NFASC: variants seen among roughly 807,000 people sequenced by gnomAD.
The protein encoded by NFASC is neurofascin homolog.
In NFASC, 43 loss-of-function variants were observed where a neutral mutation model predicts 147.5. The observed-to-expected ratio is 0.29, with a 90% confidence interval of 0.23 to 0.38. The LOEUF (loss-of-function observed/expected upper bound fraction) is 0.38. NFASC is among the 10% of genes least tolerant of loss of function. NFASC has a pLI of 1.00. For missense variants in NFASC, 1,320 were observed against 1,689.0 expected (o/e 0.78, Z 3.83); for synonymous variants, 622 against 665.5 (o/e 0.93, Z 1.01).
At chr1:204,927,099 T>G (rs1573158295) in intron 2 of NFASC, among the ~76,000 whole-genome samples, 1 of 151,958 alleles carries the variant, frequency 6.6e-6, no homozygotes, top group Non-Finnish European at 1.5e-5. Flanking sequence ...GATAGATAGA[T>G]AGATGGATGG....
At chr1:204,917,493 TC>T (rs1232614812) in intron 1 of NFASC, among the ~76,000 whole-genome samples, 1 of 152,196 alleles carries the variant, frequency 6.6e-6, no homozygotes, top group African/African-American at 2.4e-5. Flanking sequence ...CTTCCCCCTT[TC>T]TTTTGTTAAA....
intron 2 of NFASC, among the ~76,000 whole-genome samples, chr1:204,939,082 G>GTGTGTA (rs2093146479): frequency 6.6e-6 from 1 of 151,612 alleles, no homozygotes; most frequent in Admixed American, 6.6e-5. Context: ...GTGTGTGTGT[G>GTGTGTA]TGTGTAGGGG....
chr1:204,834,970 A>AT (rs1455119260), intron 1 of NFASC, among the ~76,000 whole-genome samples: 1 of 152,078 alleles, frequency 6.6e-6, no homozygotes, highest in Non-Finnish European at 1.5e-5. Context: ...AGAAGGTCTA[A>AT]TTATTCTCAT....
At chr1:204,920,528 G>A (rs919035492) in intron 1 of NFASC, 104 bp from the exon 2 acceptor site, 1 of 432,514 alleles carries the variant, frequency 2.3e-6, no homozygotes, top group African/African-American at 2.2e-5. Flanking sequence ...GGACAAAAAT[G>A]TAATTTCCCC....
At position 204,844,444 on chromosome 1, in the gene NFASC, A is replaced by G. The variant is rs144232508; in HGVS notation, c.-200+15662A>G. Among the ~76,000 whole-genome samples, 734 of 152,328 alleles carry G rather than the reference A, an allele frequency of 4.8e-3. 2 individuals are homozygous for G. The highest frequency in any genetic ancestry group is 0.01 in the Middle Eastern group (3 of 294). ...AACCATAAAATGTTTTTGAGCCTCA[A>G]ATAAGTGCTTAATTGTACGCTAGAT... On this transcript the variant is annotated intron_variant, in intron 1 of 29. Transcript: ENST00000339876.
chr1:204,957,954 T>TCAGGCAC, intron 8 of NFASC, 128 bp downstream of exon 8: 1 of 814,946 alleles, frequency 1.2e-6, no homozygotes, highest in Non-Finnish European at 2.0e-6. Flanking sequence ...TCCTTCCAGC[T>TCAGGCAC]CATGGTGCCT....
intron 1 of NFASC, among the ~76,000 whole-genome samples, chr1:204,838,302 C>A (rs190211823): frequency 1.2e-4 from 18 of 152,328 alleles, no homozygotes; most frequent in African/African-American, 4.1e-4. Flanking sequence ...GAGTCAGAAT[C>A]TTTGACCTTT....
chr1:204,992,152 C>T (rs2095750904), intron 24 of NFASC, among the ~76,000 whole-genome samples: 2 of 152,108 alleles, frequency 1.3e-5, no homozygotes, highest in South Asian at 4.1e-4. Context: ...GGCAGGGGAC[C>T]CCAGGGTTCC....
rs114235663 is a variant in NFASC, at chr1:204,879,848, A to G, written c.-199-40784A>G. On this transcript the variant is annotated intron_variant, in intron 1 of 29. Coordinates refer to ENST00000339876, the MANE Select transcript of NFASC (RefSeq NM_001005388.3). ...CAAGGGAGAAGAGCTGTGGGAATAG[A>G]AGGGATAGTATGAGGTATAAAGGGC... Among the ~76,000 whole-genome samples, 646 of 152,310 alleles carry G rather than the reference A, an allele frequency of 4.2e-3. 2 individuals carry two copies. The highest frequency in any genetic ancestry group is 0.01 in the Middle Eastern group (3 of 294).
intron 17 of NFASC, 136 bp downstream of exon 17, chr1:204,977,861 C>A (rs2095438156): frequency 1.1e-5 from 8 of 696,544 alleles, no homozygotes; most frequent in Non-Finnish European, 1.9e-5. Flanking sequence ...CTACATGGGA[C>A]CTCCTTTGAG....
Position 204,877,050 on chromosome 1 carries a change from ATATATTTATT to A in NFASC, c.-199-43576_-199-43567del, listed in dbSNP as rs1387963525. 2.0e-3 allele frequency among the ~76,000 whole-genome samples: 182 copies of A among 90,408 alleles called. 2 individuals are homozygous for A. The highest frequency in any genetic ancestry group is 0.011 in the African/African-American group (167 of 15,362). The allele number at this position is 90,408 out of a possible 152,430, so 59.3% of individuals were successfully genotyped here. A position where few individuals can be genotyped will look rare whatever the true frequency, so the allele number is the denominator to read the frequency against. On this transcript the variant is annotated intron_variant, in intron 1 of 29. Coordinates refer to ENST00000339876, the MANE Select transcript of NFASC (RefSeq NM_001005388.3). The stretch of plus-strand genomic sequence containing the variant: ...TATAATATATATTTATATATATATA[ATATATTTATT>A]TATATATTTATATATATATAATATA...
chr1:204,883,615 G>A (rs1055512563), intron 1 of NFASC, among the ~76,000 whole-genome samples: 3 of 152,244 alleles, frequency 2.0e-5, no homozygotes, highest in African/African-American at 7.2e-5. Flanking sequence ...CCAGAGGTCA[G>A]CATTTTTCTT....
Position 204,954,259 on chromosome 1 carries a change from C to T in NFASC, c.287C>T (p.Ser96Phe), listed in dbSNP as rs1200286966. Residue 96 changes from serine to phenylalanine, a missense_variant, in exon 6 of 30, where the codon TCT becomes TTT. Ser to Phe is a radical substitution (Grantham distance 155). Around this residue, in one of 3 missense-constraint regions of NFASC, gnomAD observed 981 missense variants for 1,289.5 expected, o/e 0.76. Transcript: ENST00000339876. The surrounding 1 kb of genome is among the most constrained non-coding windows in gnomAD (Gnocchi z 5.7). ...KDPRVSMRRR[S>F]GTLVIDFRSG... is the part of the protein sequence containing the mutation. ...CCCCGGGTGTCCATGAGGAGGAGGT[C>T]TGGGACCCTGGTGATTGACTTCCGC... 4 of 1,614,222 alleles carry T rather than the reference C, an allele frequency of 2.5e-6. No individual in the cohort carries two copies. Among genetic ancestry groups the T allele is most frequent in the Admixed American group, 1.7e-5 (1 of 60,034 alleles).
At chr1:204,884,425 C>T (rs80229763) in intron 1 of NFASC, among the ~76,000 whole-genome samples, 2,970 of 152,046 alleles carry the variant, frequency 0.02, 122 homozygotes, top group African/African-American at 0.068. Context: ...CTTCCCTGGC[C>T]CTGGAGTTTA....
Position 205,002,612 on chromosome 1 carries a change from A to T in NFASC, c.3153A>T (p.Lys1051Asn). Reference protein sequence around the residue: ...VEYIDSNHTKKTVPVKAQAQP... With the variant: ...VEYIDSNHTKNTVPVKAQAQP... ...GTTCCCCAGGCAACCATACGAAAAA[A>T]ACTGTCCCAGTTAAGGCCCAGGCTC... The change falls in exon 27 of 30, where the codon AAA becomes AAT. Residue 1051 changes from lysine to asparagine, a missense_variant. Lys to Asn is a moderately conservative substitution (Grantham distance 94). Coordinates refer to ENST00000339876, the MANE Select transcript of NFASC (RefSeq NM_001005388.3). 6.5e-7 allele frequency: 1 copy of T among 1,528,494 alleles called. No individual in the cohort carries two copies. The highest frequency in any genetic ancestry group is 1.2e-5 in the South Asian group (1 of 81,892). 94.7% of individuals were successfully genotyped at this position (1,528,494 alleles called of 1,614,324 possible). A position where few individuals can be genotyped will look rare whatever the true frequency, so the allele number is the denominator to read the frequency against.
chr1:204,920,966 G>A (rs534303713), intron 2 of NFASC, among the ~76,000 whole-genome samples: 3 of 152,304 alleles, frequency 2.0e-5, no homozygotes, highest in Non-Finnish European at 2.9e-5. Flanking sequence ...TAGCGTTTAA[G>A]CCTTCCCTGG....
chr1:205,004,225 C>T (rs1407154139), intron 27 of NFASC, among the ~76,000 whole-genome samples: 2 of 152,232 alleles, frequency 1.3e-5, no homozygotes, highest in African/African-American at 2.4e-5. Flanking sequence ...CCAGGGCAGC[C>T]TGCTTTCAGA....
intron 3 of NFASC, chr1:204,946,245 C>T (rs568816569): frequency 3.3e-4 from 152 of 462,824 alleles, no homozygotes; most frequent in Non-Finnish European, 5.0e-4. Context: ...CCACTGGAAT[C>T]GCAGGTGTCA....
In NFASC at chr1:204,938,768, C is replaced by T. The variant is rs181983810; in HGVS notation, c.-90-5458C>T. Among the ~76,000 whole-genome samples, 408 of 152,294 alleles carry T rather than the reference C, an allele frequency of 2.7e-3. 1 individual carries two copies. The highest frequency in any genetic ancestry group is 9.4e-3 in the African/African-American group (391 of 41,560). On this transcript the variant is annotated intron_variant, in intron 2 of 29. Coordinates refer to ENST00000339876, the MANE Select transcript of NFASC (RefSeq NM_001005388.3). ...AGGCAGGTTGCCCATGTGTGTGGACCATCCCTGTGTGAGATAACAGGTTCT... is the reference window on the plus strand; with the variant it reads ...AGGCAGGTTGCCCATGTGTGTGGACTATCCCTGTGTGAGATAACAGGTTCT...
Sources: gnomAD v4.1 joint callset for allele counts (sites outside exome capture counted in the v4.1 genomes callset) on GRCh38, gnomAD v4.1.1 for gene constraint, gnomAD v4.1.1 regional missense constraint, Gnocchi (gnomAD v3.1) non-coding constraint, MANE v1.5 for transcripts, NCBI Gene and HGNC (gene_info 2026-07-23, HGNC 2026-07-21) for gene names.